Variants in ALMS1 observed in about 807,000 individuals in gnomAD.
The protein encoded by ALMS1 is ALMS1 centrosome and basal body associated protein, also known as centrosome-associated protein ALMS1.
A neutral mutation model predicts 352.2 loss-of-function variants in ALMS1; 271 were observed. That is an observed-to-expected ratio of 0.77 (90% CI 0.70 to 0.85). The LOEUF (loss-of-function observed/expected upper bound fraction) is 0.85, where lower values mean the gene tolerates loss of function less well. Ranked by LOEUF, ALMS1 falls within the 40% of genes least tolerant of loss-of-function variation. ALMS1 has a pLI of 0.00. For synonymous variants in ALMS1, 1,865 were observed against 1,761.2 expected (o/e 1.06, Z -1.48); for missense variants, 5,445 against 4,870.7 (o/e 1.12, Z -3.51).
intron 12 of ALMS1, among the ~76,000 whole-genome samples, chr2:73,536,357 A>G (rs1674028016): frequency 6.6e-6 from 1 of 152,196 alleles, no homozygotes; most frequent in Admixed American, 6.5e-5. Flanking sequence ...TGAACAGTGT[A>G]GGTGATGGGA....
intron 11 of ALMS1, among the ~76,000 whole-genome samples, chr2:73,529,669 C>G (rs1315716384): frequency 8.5e-5 from 13 of 152,146 alleles, no homozygotes; most frequent in Admixed American, 7.2e-4. Flanking sequence ...GTGGCTCTTG[C>G]AGACTTGTAG....
intron 9 of ALMS1, among the ~76,000 whole-genome samples, chr2:73,459,933 C>A (rs946352810): frequency 6.6e-6 from 1 of 152,032 alleles, no homozygotes; most frequent in African/African-American, 2.4e-5. Context: ...ATTACACGCA[C>A]CCCCCTCTCC....
At chr2:73,416,735 A>C (rs1041480632) in intron 2 of ALMS1, among the ~76,000 whole-genome samples, 1 of 152,186 alleles carries the variant, frequency 6.6e-6, no homozygotes, top group Admixed American at 6.5e-5. Flanking sequence ...ATATGTCTAA[A>C]GTTGCTGTCA....
At chr2:73,606,575 T>A (rs951920944) in intron 21 of ALMS1, among the ~76,000 whole-genome samples, 5 of 152,258 alleles carry the variant, frequency 3.3e-5, no homozygotes, top group Non-Finnish European at 7.3e-5. Flanking sequence ...CTTTTTAAAC[T>A]GTTTTTAAAC....
chr2:73,454,824 A>G (rs1000456092), intron 8 of ALMS1, among the ~76,000 whole-genome samples: 1 of 152,226 alleles, frequency 6.6e-6, no homozygotes, highest in East Asian at 1.9e-4. Context: ...ACTTTTAAAT[A>G]TCAGCTGTCA....
At chr2:73,400,948 G>T (rs879907403) in intron 1 of ALMS1, among the ~76,000 whole-genome samples, 1 of 151,978 alleles carries the variant, frequency 6.6e-6, no homozygotes. Flanking sequence ...CACTATGCCC[G>T]GCTAATTTTT....
At chr2:73,492,223 T>C (rs1013904253) in intron 10 of ALMS1, among the ~76,000 whole-genome samples, 5 of 152,056 alleles carry the variant, frequency 3.3e-5, no homozygotes, top group African/African-American at 1.2e-4. Context: ...TGTTTAGTAT[T>C]TTACCTTATA....
chr2:73,464,703 T>C (rs1246589865), intron 9 of ALMS1, among the ~76,000 whole-genome samples: 1 of 152,166 alleles, frequency 6.6e-6, no homozygotes, highest in Non-Finnish European at 1.5e-5. Context: ...AACCCCGTTG[T>C]CTCAGCCCAA....
At chr2:73,437,130 C>CTT (rs544099567) in intron 7 of ALMS1, among the ~76,000 whole-genome samples, 301 of 152,270 alleles carry the variant, frequency 2.0e-3, no homozygotes, top group Non-Finnish European at 2.8e-3. Flanking sequence ...TGTCCTTAGG[C>CTT]TTGAGCTTTT....
At chr2:73,462,458 G>A (rs528592188) in intron 9 of ALMS1, among the ~76,000 whole-genome samples, 73 of 152,080 alleles carry the variant, frequency 4.8e-4, no homozygotes, top group Admixed American at 9.2e-4. Flanking sequence ...TGAAGGAAGC[G>A]CTAAACATGG....
At chr2:73,482,319 G>C (rs1293898571) in intron 9 of ALMS1, among the ~76,000 whole-genome samples, 1 of 152,172 alleles carries the variant, frequency 6.6e-6, no homozygotes, top group Non-Finnish European at 1.5e-5. Flanking sequence ...GGCTTTTTCT[G>C]CATCTATTGA....
intron 11 of ALMS1, among the ~76,000 whole-genome samples, chr2:73,530,524 AG>A (rs1673886706): frequency 2.6e-5 from 4 of 152,232 alleles, no homozygotes; most frequent in Admixed American, 2.6e-4. Context: ...GCTGGTGTTT[AG>A]TACCTGTGGC....
chr2:73,499,378 C>T (rs1180696256), intron 10 of ALMS1, among the ~76,000 whole-genome samples: 7 of 152,172 alleles, frequency 4.6e-5, no homozygotes, highest in East Asian at 3.9e-4. Context: ...TGTCCATTTT[C>T]GCTTTGGTTA....
intron 12 of ALMS1, among the ~76,000 whole-genome samples, chr2:73,536,428 T>C (rs1674029242): frequency 6.6e-6 from 1 of 152,058 alleles, no homozygotes; most frequent in Non-Finnish European, 1.5e-5. Context: ...TGTAATAAAG[T>C]ACTGTATGCA....
At chr2:73,512,354 A>AT (rs1673470252) in intron 10 of ALMS1, among the ~76,000 whole-genome samples, 1 of 150,578 alleles carries the variant, frequency 6.6e-6, no homozygotes, top group African/African-American at 2.4e-5. Flanking sequence ...AAGTGCTGGG[A>AT]TTACAGGCGT....
At chr2:73,540,121 G>C (rs1448858385) in intron 12 of ALMS1, among the ~76,000 whole-genome samples, 1 of 152,222 alleles carries the variant, frequency 6.6e-6, no homozygotes, top group Non-Finnish European at 1.5e-5. Context: ...CAGCCAGAGA[G>C]AAAGGTCGGG....
chr2:73,496,326 A>G (rs1399187161), intron 10 of ALMS1, among the ~76,000 whole-genome samples: 1 of 152,216 alleles, frequency 6.6e-6, no homozygotes, highest in East Asian at 1.9e-4. Context: ...TGTCACACAA[A>G]TGGAATCATA....
intron 10 of ALMS1, among the ~76,000 whole-genome samples, chr2:73,493,405 AATAT>A (rs956052056): frequency 2.0e-5 from 3 of 150,872 alleles, no homozygotes; most frequent in South Asian, 2.1e-4. Context: ...TATATAAGTA[AATAT>A]ATATATAATA....
intron 9 of ALMS1, among the ~76,000 whole-genome samples, chr2:73,481,394 C>T (rs1172744122): frequency 1.3e-4 from 20 of 152,134 alleles, no homozygotes; most frequent in East Asian, 5.8e-4. Context: ...TGTAGATATG[C>T]TGCATTATTT....
Sources: allele counts gnomAD v4.1 joint callset (sites outside exome capture counted in the v4.1 genomes callset), GRCh38; gene constraint gnomAD v4.1.1; transcripts MANE v1.5; gene names NCBI Gene and HGNC (gene_info 2026-07-23, HGNC 2026-07-21).